SPIC: variants seen among roughly 807,000 people sequenced by gnomAD.
The protein encoded by SPIC is Spi-C transcription factor, also known as transcription factor Spi-C.
Under a neutral mutation model 16.7 loss-of-function variants are expected in SPIC, and 9 were observed. The observed-to-expected ratio is 0.54, with a 90% CI of 0.33 to 0.94. The LOEUF is 0.94. SPIC is among the 40% of genes least tolerant of loss of function. The probability of loss-of-function intolerance (pLI) is 0.03; values close to 1 mark genes in which losing one functional copy is unlikely to be tolerated. For synonymous variants in SPIC, 97 were observed against 102.9 expected (o/e 0.94, Z 0.35); for missense variants, 241 against 285.8 (o/e 0.84, Z 1.13).
intron 1 of SPIC, among the ~76,000 whole-genome samples, chr12:101,476,105 T>C (rs1002688625): frequency 6.6e-6 from 1 of 152,194 alleles, no homozygotes; most frequent in Admixed American, 6.6e-5. Flanking sequence ...TGGGTTTACT[T>C]AATGGAATGA....
intron 3 of SPIC, among the ~76,000 whole-genome samples, chr12:101,477,913 G>A (rs999698357): frequency 6.6e-6 from 1 of 152,192 alleles, no homozygotes; most frequent in East Asian, 1.9e-4. Flanking sequence ...TACTCTGGGG[G>A]CTGAGGCTTA....
chr12:101,481,083 G>A (rs1225777560), intron 4 of SPIC, among the ~76,000 whole-genome samples: 3 of 152,064 alleles, frequency 2.0e-5, no homozygotes, highest in South Asian at 2.1e-4. Context: ...AGCCCCTTCC[G>A]GTGTTTAACC....
chr12:101,482,163 C>T (rs1244145047), intron 4 of SPIC, among the ~76,000 whole-genome samples: 10 of 149,788 alleles, frequency 6.7e-5, no homozygotes, highest in South Asian at 4.2e-4. Context: ...AACTGGGAGG[C>T]GGAGGTTGCG....
chr12:101,476,051 C>T (rs1872948432), intron 1 of SPIC, among the ~76,000 whole-genome samples: 3 of 152,094 alleles, frequency 2.0e-5, no homozygotes, highest in South Asian at 2.1e-4. Context: ...ATTGTGTTTG[C>T]GGGTAAATAC....
chr12:101,481,254 A>G (rs548975339), intron 4 of SPIC, among the ~76,000 whole-genome samples: 25 of 151,710 alleles, frequency 1.6e-4, no homozygotes, highest in African/African-American at 5.6e-4. Context: ...TGGTGCGATT[A>G]TAGCTCACTG....
At chr12:101,481,843 G>A (rs1413364717) in intron 4 of SPIC, among the ~76,000 whole-genome samples, 1 of 149,746 alleles carries the variant, frequency 6.7e-6, no homozygotes, top group African/African-American at 2.4e-5. Context: ...AGTAGAGACG[G>A]GGTTTCACCA....
At chr12:101,482,741 G>A in intron 4 of SPIC, 51 bp from the exon 5 acceptor site, 1 of 1,538,456 alleles carries the variant, frequency 6.5e-7, no homozygotes, top group Non-Finnish European at 8.9e-7. Context: ...GCCTATAATA[G>A]GGGGCAACAG....
chr12:101,480,222 T>G (rs372573285), intron 4 of SPIC, among the ~76,000 whole-genome samples: 1 of 152,342 alleles, frequency 6.6e-6, no homozygotes, highest in African/African-American at 2.4e-5. Context: ...GCTCTCTACT[T>G]AGCCTCAGAC....
intron 2 of SPIC, among the ~76,000 whole-genome samples, chr12:101,477,141 T>C (rs1355883571): frequency 6.6e-6 from 1 of 152,248 alleles, no homozygotes; most frequent in East Asian, 1.9e-4. Context: ...AGATATTTCC[T>C]TGGCCCTTTT....
At chr12:101,480,288 T>C (rs1873147207) in intron 4 of SPIC, among the ~76,000 whole-genome samples, 1 of 152,224 alleles carries the variant, frequency 6.6e-6, no homozygotes, top group Non-Finnish European at 1.5e-5. Flanking sequence ...TATCAGTTGC[T>C]TCTCCTTAGT....
rs772706633 is a variant in SPIC, at chr12:101,477,652, G to A, written c.97+1G>A. ...ACTGGAGATCTTCAGTACTCGCCAGGTAAAGATGAGTCATTTACCCTCTTC... is the reference window on the plus strand; with the variant it reads ...ACTGGAGATCTTCAGTACTCGCCAGATAAAGATGAGTCATTTACCCTCTTC... On this transcript the variant is annotated splice_donor_variant, in intron 3 of 5. Coordinates refer to ENST00000551346, the MANE Select transcript of SPIC (RefSeq NM_152323.3). LOFTEE classifies it high-confidence loss of function. The A allele has an allele frequency of 1.2e-6, 2 of 1,611,458 alleles. No homozygotes were observed. The highest frequency in any genetic ancestry group is 1.1e-5 in the South Asian group (1 of 90,984).
At position 101,486,348 on chromosome 12, in the gene SPIC, G is replaced by C; in HGVS notation, c.324G>C (p.Arg108Ser). Residue 108 changes from arginine to serine, a missense_variant, in exon 6 of 6, where the codon AGG becomes AGC. Arg to Ser is a moderately radical substitution (Grantham distance 110). Transcript: ENST00000551346. ...CCTTGTTTCCCTTCATTTTAGGCAG[G>C]AAGAAGCTCCGACTGTTTGAATACC... is the stretch of plus-strand genomic sequence containing the variant. ...TLLQQKGGKG[R>S]KKLRLFEYLH... 1 of 1,600,830 alleles carries C rather than the reference G, an allele frequency of 6.2e-7. No homozygotes were observed. The highest frequency in any genetic ancestry group is 2.2e-5 in the East Asian group (1 of 44,716).
chr12:101,485,599 A>G (rs904690771), intron 5 of SPIC, among the ~76,000 whole-genome samples: 2 of 152,074 alleles, frequency 1.3e-5, no homozygotes, highest in Admixed American at 1.3e-4. Context: ...TTCGGTATTA[A>G]TTTCCTTAAT....
Position 101,479,281 on chromosome 12 carries a change from A to G in SPIC, c.98-301A>G, listed in dbSNP as rs1239107312. ...AGGAAGGAAAGAAAGAAAGAAAGAAAGAAAAAGAAAGAAAGAAAGAAAGAA... is the reference window on the plus strand; with the variant it reads ...AGGAAGGAAAGAAAGAAAGAAAGAAGGAAAAAGAAAGAAAGAAAGAAAGAA... On this transcript the variant is annotated intron_variant, in intron 3 of 5. Coordinates refer to ENST00000551346, the MANE Select transcript of SPIC (RefSeq NM_152323.3). Among the ~76,000 whole-genome samples, 155 of 66,194 alleles carry G rather than the reference A, an allele frequency of 2.3e-3. 15 individuals are homozygous for G. Among genetic ancestry groups the G allele is most frequent in the Middle Eastern group, 8.8e-3 (1 of 114 alleles). 43.4% of individuals were successfully genotyped at this position (66,194 alleles called of 152,430 possible).
intron 3 of SPIC, 24 bp from the exon 4 acceptor site, chr12:101,479,558 T>C (rs1873121242): frequency 6.3e-7 from 1 of 1,591,132 alleles, no homozygotes; most frequent in South Asian, 1.1e-5. Context: ...ACTTTTTTAG[T>C]TTCTTTCTCT....
intron 4 of SPIC, among the ~76,000 whole-genome samples, chr12:101,481,300 C>T (rs1343379878): frequency 2.6e-5 from 4 of 152,086 alleles, no homozygotes; most frequent in African/African-American, 9.7e-5. Flanking sequence ...GATCCTCCTG[C>T]CTCAGCTTCC....
At chr12:101,477,717 T>C in intron 3 of SPIC, 66 bp downstream of exon 3, 9 of 1,375,270 alleles carry the variant, frequency 6.5e-6, no homozygotes, top group Non-Finnish European at 9.3e-6. Flanking sequence ...CATACACATA[T>C]AAGAATAATG....
intron 5 of SPIC, among the ~76,000 whole-genome samples, chr12:101,484,152 A>T (rs1003832219): frequency 2.0e-5 from 3 of 148,256 alleles, no homozygotes; most frequent in Non-Finnish European, 3.0e-5. Flanking sequence ...AGCTTTTTTT[A>T]AAAAAATTTT....
intron 4 of SPIC, among the ~76,000 whole-genome samples, chr12:101,481,591 C>T (rs1593492700): frequency 6.7e-6 from 1 of 150,146 alleles, no homozygotes; most frequent in South Asian, 2.1e-4. Flanking sequence ...CTCACTGCAT[C>T]CTCCGCCTCC....
Sources: gnomAD v4.1 joint callset for allele counts (sites outside exome capture counted in the v4.1 genomes callset) on GRCh38, gnomAD v4.1.1 for gene constraint, MANE v1.5 for transcripts, NCBI Gene and HGNC (gene_info 2026-07-23, HGNC 2026-07-21) for gene names.